The following STYK1 variants were observed in gnomAD, a reference collection of about 807,000 sequenced individuals.
The protein encoded by STYK1 is STY kinase 1.
Under a neutral mutation model 48.1 loss-of-function variants are expected in STYK1, and 46 were observed. That is an observed-to-expected ratio of 0.96 (90% confidence interval 0.75 to 1.22). The LOEUF (loss-of-function observed/expected upper bound fraction) is 1.22, where lower values mean the gene tolerates loss of function less well. STYK1 is among the 50% of genes most tolerant of loss of function. The probability of loss-of-function intolerance (pLI) is 0.00; values close to 1 mark genes in which losing one functional copy is unlikely to be tolerated. For synonymous variants in STYK1, 188 were observed against 189.0 expected, an observed-to-expected ratio of 0.99 and a Z score of 0.04; for missense variants, 527 against 521.1, an observed-to-expected ratio of 1.01 and a Z score of -0.11.
At chr12:10,657,242 G>T (rs550753691) in intron 1 of STYK1, among the ~76,000 whole-genome samples, 214 of 152,222 alleles carry the variant, frequency 1.4e-3, no homozygotes, top group Non-Finnish European at 2.2e-3. Flanking sequence ...TGCTTTCCTG[G>T]CCCTGTTCCT....
chr12:10,670,209 TTTGCCTTCTGTGTATAGA>T (rs1304012591), intron 1 of STYK1, among the ~76,000 whole-genome samples: 1 of 152,192 alleles, frequency 6.6e-6, no homozygotes, highest in African/African-American at 2.4e-5. Context: ...GGCTCAATGT[TTTGCCTTCTGTGTATAGA>T]TAGCAAGAAA....
intron 8 of STYK1, among the ~76,000 whole-genome samples, 176 bp from the exon 9 acceptor site, chr12:10,622,854 C>T (rs1187891362): frequency 6.6e-6 from 1 of 152,182 alleles, no homozygotes; most frequent in Non-Finnish European, 1.5e-5. Context: ...TGCTCAATTT[C>T]CATAGGTTCG....
chr12:10,628,289 G>A lies in STYK1; in HGVS notation c.634-565C>T, dbSNP rs1257740692. On this transcript the variant is annotated intron_variant, in intron 6 of 10. Coordinates refer to ENST00000075503, the MANE Select transcript of STYK1 (RefSeq NM_018423.3). ...AAGTGCTAAGAGAGCATATGATGGT[G>A]GGCAGAAGAGAGTTGATTGAGTTGC... Among the ~76,000 whole-genome samples the A allele has an allele frequency of 2.6e-5, 4 of 152,212 alleles. No individual in the cohort carries two copies. In the East Asian group the frequency reaches 5.8e-4, roughly 22 times the overall value.
At chr12:10,660,878 ACTC>A (rs1395315830) in intron 1 of STYK1, among the ~76,000 whole-genome samples, 1 of 152,056 alleles carries the variant, frequency 6.6e-6, no homozygotes, top group Admixed American at 6.6e-5. Flanking sequence ...TTCCCTGAAA[ACTC>A]ATGAACAGTC....
At chr12:10,664,806 C>A (rs1947817133) in intron 1 of STYK1, among the ~76,000 whole-genome samples, 1 of 152,170 alleles carries the variant, frequency 6.6e-6, no homozygotes, top group African/African-American at 2.4e-5. Flanking sequence ...TTATAAATCA[C>A]ATTAGGTTTA....
In STYK1 at chr12:10,652,238, T is replaced by C. The variant is rs534025170; in HGVS notation, c.-194-15042A>G. On this transcript the variant is annotated intron_variant, in intron 1 of 10. Coordinates refer to ENST00000075503, the MANE Select transcript of STYK1 (RefSeq NM_018423.3). ...GATAAGATTCTACATTGGCAGCCAC[T>C]ATTCTAGTTCTCTCTCTCTCTCACA... Among the ~76,000 whole-genome samples the C allele has an allele frequency of 7.9e-5, 12 of 152,326 alleles. No homozygotes were observed. The East Asian group carries it at 2.1e-3, about 27-fold the overall frequency.
intron 1 of STYK1, among the ~76,000 whole-genome samples, chr12:10,653,551 AAG>A (rs1947686105): frequency 6.6e-6 from 1 of 152,222 alleles, no homozygotes; most frequent in South Asian, 2.1e-4. Flanking sequence ...AAAGGTGGAT[AAG>A]AGTTTTTCTC....
At chr12:10,630,085 GAGA>G (rs1947407956) in intron 5 of STYK1, among the ~76,000 whole-genome samples, 5 of 98,326 alleles carry the variant, frequency 5.1e-5, no homozygotes, top group African/African-American at 1.8e-4. Context: ...GAGAGAGAGA[GAGA>G]GAGAAATATA....
chr12:10,624,662 G>C lies in STYK1; in HGVS notation c.915C>G (p.Ile305Met), dbSNP rs771543318. 1 of 1,614,014 alleles carries C rather than the reference G, an allele frequency of 6.2e-7. No homozygotes were observed. Among genetic ancestry groups the C allele is most frequent in the Non-Finnish European group, 8.5e-7 (1 of 1,179,980 alleles). Residue 305 changes from isoleucine to methionine, a missense_variant, in exon 8 of 11, where the codon ATC becomes ATG. Physicochemically the swap from Ile to Met is conservative, Grantham distance 10. Transcript: ENST00000075503. The part of the protein sequence containing the change: ...PERLLLRPAS[I>M]RADVWSFGIL... ...GGAATAAACCGTACACATCTGCTCT[G>C]ATGCTAGCAGGTCTCAGGAGAAGCC...
intron 1 of STYK1, among the ~76,000 whole-genome samples, chr12:10,641,232 G>A (rs1186911019): frequency 2.0e-5 from 3 of 152,122 alleles, no homozygotes; most frequent in Admixed American, 6.5e-5. Context: ...TAATCCATCC[G>A]TGTCTCCTTT....
chr12:10,640,589 T>G (rs1947533032), intron 1 of STYK1: 1 of 152,196 alleles, frequency 6.6e-6, no homozygotes, highest in African/African-American at 2.4e-5. Flanking sequence ...AAATGGGTTC[T>G]CAAAGGGGAA....
chr12:10,630,032 GGAGAGAGAGAGAGAGAGAGAGA>G lies in STYK1; in HGVS notation c.452-380_452-359del, dbSNP rs11268204. On this transcript the variant is annotated intron_variant, in intron 5 of 10. Coordinates refer to ENST00000075503, the MANE Select transcript of STYK1 (RefSeq NM_018423.3). Reference sequence around the variant, plus strand: ...CCATTACTGGCCCATATCATGAAGAGGAGAGAGAGAGAGAGAGAGAGAGAGAGAGAGAGAGAGAGAGAGAGAG... The same window carrying G: ...CCATTACTGGCCCATATCATGAAGAGGAGAGAGAGAGAGAGAGAGAGAGAG... Among the ~76,000 whole-genome samples the G allele has an allele frequency of 1.0e-3, 137 of 137,364 alleles. 1 individual carries two copies. Among genetic ancestry groups the G allele is most frequent in the African/African-American group, 3.5e-3 (119 of 33,892 alleles). 90.1% of individuals were successfully genotyped at this position (137,364 alleles called of 152,430 possible).
intron 1 of STYK1, among the ~76,000 whole-genome samples, chr12:10,658,856 T>C (rs2418092): frequency 0.55 from 83,441 of 151,996 alleles, 23,615 homozygotes; most frequent in East Asian, 0.79. Context: ...TGTTACATAA[T>C]ATTATTGTGT....
intron 8 of STYK1, among the ~76,000 whole-genome samples, chr12:10,624,010 G>A (rs976200813): frequency 2.0e-5 from 3 of 151,760 alleles, no homozygotes; most frequent in Non-Finnish European, 2.9e-5. Flanking sequence ...GGGTTAACTG[G>A]CCTTTTGGTT....
intron 4 of STYK1, among the ~76,000 whole-genome samples, chr12:10,632,242 A>G (rs1947437526): frequency 6.6e-6 from 1 of 152,070 alleles, no homozygotes; most frequent in South Asian, 2.1e-4. Context: ...AAGAAGCATC[A>G]GTGAATCAGT....
At chr12:10,633,873 C>A in intron 4 of STYK1, 117 bp downstream of exon 4, 2 of 1,278,688 alleles carry the variant, frequency 1.6e-6, no homozygotes, top group Non-Finnish European at 2.2e-6. Flanking sequence ...GAACCCATGC[C>A]TCTCTCATTG....
intron 3 of STYK1, 117 bp from the exon 4 acceptor site, chr12:10,634,241 A>G: frequency 1.7e-6 from 2 of 1,202,484 alleles, no homozygotes; most frequent in Non-Finnish European, 2.3e-6. Context: ...CATCTCTTCT[A>G]CCATCTCCTC....
chr12:10,663,499 T>C (rs1165286564), intron 1 of STYK1, among the ~76,000 whole-genome samples: 1 of 147,288 alleles, frequency 6.8e-6, no homozygotes, highest in Admixed American at 7.0e-5. Flanking sequence ...CTCGGGAGGC[T>C]GAGGAAGGAG....
chr12:10,666,255 T>C (rs1947832579), intron 1 of STYK1, among the ~76,000 whole-genome samples: 1 of 152,176 alleles, frequency 6.6e-6, no homozygotes, highest in African/African-American at 2.4e-5. Context: ...AAACTAGGGG[T>C]GACTTGACAT....
Sources: allele counts gnomAD v4.1 joint callset (sites outside exome capture counted in the v4.1 genomes callset), GRCh38; gene constraint gnomAD v4.1.1; transcripts MANE v1.5; gene names NCBI Gene and HGNC (gene_info 2026-07-23, HGNC 2026-07-21).